Variants in GLRX3 observed in about 807,000 individuals in gnomAD.
GLRX3 encodes the protein glutaredoxin-3.
In GLRX3, 22 loss-of-function variants were observed where a neutral mutation model predicts 49.5. The ratio of observed to expected loss-of-function variants is 0.44; its 90% confidence interval spans 0.32 to 0.63. GLRX3 has a LOEUF of 0.63. Among genes scored for constraint, GLRX3 ranks in the 30% least tolerant of loss-of-function variants. GLRX3 has a pLI of 0.05. For synonymous variants in GLRX3, 133 were observed against 140.0 expected, an observed-to-expected ratio of 0.95 and a Z score of 0.35; for missense variants, 385 against 396.3, an observed-to-expected ratio of 0.97 and a Z score of 0.24.
chr10:130,171,578 AT>A lies in GLRX3; in HGVS notation c.772-3del. 6.7e-7 allele frequency: 1 copy of A among 1,498,796 alleles called. No individual in the cohort carries two copies. The highest frequency in any genetic ancestry group is 1.4e-5 in the African/African-American group (1 of 72,736). The allele number at this position is 1,498,796 out of a possible 1,614,324, so 92.8% of individuals were successfully genotyped here. A position where few individuals can be genotyped will look rare whatever the true frequency, so the allele number is the denominator to read the frequency against. ...TTGTAATCTTTGCAAATTTTTTTTC[AT>A]TTAGGAAGCAAAATGTGGATTCAGC... On this transcript the variant is annotated splice_polypyrimidine_tract_variant and splice_region_variant and intron_variant, in intron 7 of 10. Coordinates refer to ENST00000331244, the MANE Select transcript of GLRX3 (RefSeq NM_006541.5).
chr10:130,143,269 A>G (rs1862208880), intron 1 of GLRX3, among the ~76,000 whole-genome samples: 1 of 152,036 alleles, frequency 6.6e-6, no homozygotes, highest in African/African-American at 2.4e-5. Flanking sequence ...GTATTATTTG[A>G]TCAGTTTTTA....
chr10:130,173,410 G>T (rs1016373), intron 8 of GLRX3, among the ~76,000 whole-genome samples: 123,556 of 152,122 alleles, frequency 0.81, 50,940 homozygotes, highest in African/African-American at 0.94. Context: ...CCTCAGCTTC[G>T]CTTAACACGA....
chr10:130,153,403 T>C (rs1862417351), intron 2 of GLRX3, among the ~76,000 whole-genome samples: 1 of 152,238 alleles, frequency 6.6e-6, no homozygotes, highest in South Asian at 2.1e-4. Flanking sequence ...ATTTTCAGCC[T>C]TTCTGCTCTG....
At chr10:130,156,922 A>G (rs1862481024) in intron 2 of GLRX3, among the ~76,000 whole-genome samples, 2 of 152,298 alleles carry the variant, frequency 1.3e-5, no homozygotes, top group African/African-American at 4.8e-5. Flanking sequence ...TTGACATGTA[A>G]TCTTTATTTT....
chr10:130,147,539 A>G (rs1313860608), intron 2 of GLRX3, among the ~76,000 whole-genome samples: 3 of 152,346 alleles, frequency 2.0e-5, no homozygotes, highest in Non-Finnish European at 2.9e-5. Flanking sequence ...GCCACTCATG[A>G]GGATGATGAC....
intron 9 of GLRX3, 29 bp from the exon 10 acceptor site, chr10:130,174,968 T>C (rs1398420105): frequency 1.3e-6 from 2 of 1,573,302 alleles, no homozygotes; most frequent in Non-Finnish European, 1.8e-6. Context: ...CCTGATAGGA[T>C]GGTTTCAGGA....
chr10:130,169,610 T>C lies in GLRX3; in HGVS notation c.771+120T>C. 4.4e-6 allele frequency: 3 copies of C among 688,476 alleles called. No individual in the cohort carries two copies. The East Asian group carries it at 8.1e-5, about 19-fold the overall frequency. The allele number at this position is 688,476 out of a possible 1,614,324, so 42.6% of individuals were successfully genotyped here. ...TGAAGCTGTAGCGATATCAGGAAGT[T>C]ATCCACGCCTTAATTGGTGCTTACG... On this transcript the variant is annotated intron_variant, in intron 7 of 10. Coordinates refer to ENST00000331244, the MANE Select transcript of GLRX3 (RefSeq NM_006541.5).
At chr10:130,177,557 A>G (rs1230725446) in intron 10 of GLRX3, among the ~76,000 whole-genome samples, 1 of 152,220 alleles carries the variant, frequency 6.6e-6, no homozygotes, top group Non-Finnish European at 1.5e-5. Flanking sequence ...ACAGAGACAT[A>G]GAGAGGTCAG....
chr10:130,154,323 G>T (rs557574960), intron 2 of GLRX3, among the ~76,000 whole-genome samples: 5 of 152,078 alleles, frequency 3.3e-5, no homozygotes, highest in Non-Finnish European at 7.4e-5. Flanking sequence ...ACTTTGGCTC[G>T]CCCTCCATGG....
chr10:130,144,532 C>T (rs1376731871), intron 1 of GLRX3, among the ~76,000 whole-genome samples: 2 of 151,884 alleles, frequency 1.3e-5, no homozygotes, highest in South Asian at 2.1e-4. Flanking sequence ...TTGTTCACCT[C>T]CCACTTATGA....
intron 2 of GLRX3, among the ~76,000 whole-genome samples, chr10:130,150,929 GTTT>G (rs796193513): frequency 7.3e-6 from 1 of 137,530 alleles, no homozygotes; most frequent in African/African-American, 2.6e-5. Flanking sequence ...TGGTAGAATT[GTTT>G]TTTTTTTTTT....
chr10:130,176,370 T>G (rs1233794994), intron 10 of GLRX3, among the ~76,000 whole-genome samples: 1 of 152,208 alleles, frequency 6.6e-6, no homozygotes, highest in Non-Finnish European at 1.5e-5. Context: ...TCCGCCCACC[T>G]TGGCCTCCCA....
chr10:130,154,668 C>A (rs1862441051), intron 2 of GLRX3, among the ~76,000 whole-genome samples: 1 of 151,814 alleles, frequency 6.6e-6, no homozygotes, highest in Non-Finnish European at 1.5e-5. Context: ...TCTCCTTAGT[C>A]TTGCAGCTCA....
Position 130,148,285 on chromosome 10 carries a change from C to T in GLRX3, c.201+2966C>T, listed in dbSNP as rs138457209. Among the ~76,000 whole-genome samples, 43 of 151,928 alleles carry T rather than the reference C, an allele frequency of 2.8e-4. No individual in the cohort carries two copies. The East Asian group carries it at 7.4e-3, about 26-fold the overall frequency. ...ATAGCTGGGACTATAGGTGTACACC[C>T]CTGCCCAGCTAATTTTTGTATTTTT... On this transcript the variant is annotated intron_variant, in intron 2 of 10. Transcript: ENST00000331244.
At chr10:130,144,127 C>T (rs897007016) in intron 1 of GLRX3, among the ~76,000 whole-genome samples, 2 of 152,170 alleles carry the variant, frequency 1.3e-5, no homozygotes, top group Non-Finnish European at 2.9e-5. Context: ...TTTCTATGGT[C>T]ACGGTTATGT....
chr10:130,147,692 G>A (rs1206077876), intron 2 of GLRX3, among the ~76,000 whole-genome samples: 1 of 152,174 alleles, frequency 6.6e-6, no homozygotes, highest in Non-Finnish European at 1.5e-5. Context: ...GGCACTTGCC[G>A]GACAATAGTA....
chr10:130,169,071 GA>G (rs1157548740), intron 6 of GLRX3, among the ~76,000 whole-genome samples: 1 of 152,148 alleles, frequency 6.6e-6, no homozygotes, highest in Non-Finnish European at 1.5e-5. Flanking sequence ...CATCATGATG[GA>G]AGATGGTGCA....
chr10:130,145,170 A>C, intron 1 of GLRX3, 41 bp from the exon 2 acceptor site: 1 of 783,040 alleles, frequency 1.3e-6, no homozygotes, highest in Non-Finnish European at 2.1e-6. Flanking sequence ...TATTTCCAAA[A>C]TTGGTATAAT....
intron 8 of GLRX3, among the ~76,000 whole-genome samples, chr10:130,173,772 T>C (rs1862861046): frequency 6.6e-6 from 1 of 152,232 alleles, no homozygotes; most frequent in Admixed American, 6.5e-5. Context: ...TTGGGGTCTT[T>C]TTTTGTTCTT....
Sources: gnomAD v4.1 joint callset for allele counts (sites outside exome capture counted in the v4.1 genomes callset) on GRCh38, gnomAD v4.1.1 for gene constraint, MANE v1.5 for transcripts, NCBI Gene and HGNC (gene_info 2026-07-23, HGNC 2026-07-21) for gene names.